IQCE: variants seen among roughly 807,000 people sequenced by gnomAD.
IQCE encodes IQ motif containing E.
Under a neutral mutation model 96.0 loss-of-function variants are expected in IQCE, and 115 were observed. The observed-to-expected ratio is 1.20, with a 90% CI of 1.03 to 1.40. The LOEUF is 1.40. IQCE is among the 40% of genes most tolerant of loss of function. The pLI is 0.00. For synonymous variants in IQCE, 412 were observed against 371.2 expected (o/e 1.11, Z -1.26); for missense variants, 1,041 against 909.1 (o/e 1.15, Z -1.87).
rs1246730849 is a variant in IQCE, at chr7:2,563,907, A to AT, written c.37-3209_37-3208insT. On this transcript the variant is annotated intron_variant, in intron 1 of 21. Coordinates refer to ENST00000402050, the MANE Select transcript of IQCE (RefSeq NM_152558.5). The stretch of plus-strand genomic sequence containing the variant: ...AGACTCCATCTCAAAAAAAAAAAAA[A>AT]AAAAAAAAATTTCACTCATCAGCCG... Among the ~76,000 whole-genome samples, 14 of 150,742 alleles carry AT rather than the reference A, an allele frequency of 9.3e-5. No homozygotes were observed. The East Asian group carries it at 2.2e-3, about 23-fold the overall frequency.
chr7:2,590,759 C>T (rs999858388), intron 14 of IQCE, among the ~76,000 whole-genome samples: 5 of 152,118 alleles, frequency 3.3e-5, no homozygotes, highest in African/African-American at 1.2e-4. Context: ...AGTGAGACCT[C>T]AACTCAAAAG....
chr7:2,588,452 C>G (rs1367889802), intron 13 of IQCE, among the ~76,000 whole-genome samples: 2 of 149,844 alleles, frequency 1.3e-5, no homozygotes, highest in African/African-American at 4.9e-5. Context: ...CTCCCGAGTT[C>G]AAGTGATTCT....
intron 18 of IQCE, among the ~76,000 whole-genome samples, chr7:2,604,089 A>G (rs1242347864): frequency 6.6e-6 from 1 of 151,770 alleles, no homozygotes; most frequent in African/African-American, 2.4e-5. Flanking sequence ...CCCAGGTTCA[A>G]ACGATTCTCA....
rs1400321475 is a variant in IQCE, at chr7:2,611,190, G to A, written c.*1028G>A. On this transcript the variant is annotated 3_prime_UTR_variant, in exon 22 of 22. Transcript: ENST00000402050. Reference sequence around the variant, plus strand: ...GCCAGCAGCTGCAGAGGCCTAGGAGGGAGTTCCTGGGGGAAGCGCACAGTG... The same window carrying A: ...GCCAGCAGCTGCAGAGGCCTAGGAGAGAGTTCCTGGGGGAAGCGCACAGTG... The A allele has an allele frequency of 6.6e-6, 1 of 151,912 alleles. No individual in the cohort carries two copies. The highest frequency in any genetic ancestry group is 1.5e-5 in the Non-Finnish European group (1 of 68,506). 9.4% of individuals were successfully genotyped at this position (151,912 alleles called of 1,614,324 possible). A position where few individuals can be genotyped will look rare whatever the true frequency, so the allele number is the denominator to read the frequency against.
chr7:2,602,276 G>C (rs1205275500), intron 18 of IQCE, among the ~76,000 whole-genome samples: 1 of 152,236 alleles, frequency 6.6e-6, no homozygotes, highest in Non-Finnish European at 1.5e-5. Flanking sequence ...AACTGGAATG[G>C]AGGTTGAGTA....
chr7:2,608,938 A>G (rs1784992741), intron 21 of IQCE, among the ~76,000 whole-genome samples: 1 of 152,232 alleles, frequency 6.6e-6, no homozygotes, highest in East Asian at 1.9e-4. Context: ...TGCAGGAAAA[A>G]AAAGCTGACA....
At position 2,610,353 on chromosome 7, in the gene IQCE, G is replaced by A. The variant is rs1208300400; in HGVS notation, c.*191G>A. 5.6e-6 allele frequency: 3 copies of A among 538,706 alleles called. No homozygotes were observed. The highest frequency in any genetic ancestry group is 3.8e-5 in the African/African-American group (2 of 52,138). The allele number at this position is 538,706 out of a possible 1,614,324, so 33.4% of individuals were successfully genotyped here. A position where few individuals can be genotyped will look rare whatever the true frequency, so the allele number is the denominator to read the frequency against. ...ATGCCTTTACTTTATTCTCTGGGGA[G>A]GGCCAGCGGCTCGCATCCCCCTCAT... On this transcript the variant is annotated 3_prime_UTR_variant, in exon 22 of 22. Coordinates refer to ENST00000402050, the MANE Select transcript of IQCE (RefSeq NM_152558.5).
At position 2,586,242 on chromosome 7, in the gene IQCE, CAGA is replaced by C; in HGVS notation, c.866_868del (p.Lys289del). On this transcript the variant is annotated inframe_deletion, in exon 12 of 22. Transcript: ENST00000402050. ...GGAGAAGAAGACGGGCGCCAAAAGG[CAGA>C]AGAAGATGGGCAGTGCCCTCCTGAG... The C allele has an allele frequency of 1.9e-6, 3 of 1,613,932 alleles. No homozygotes were observed. Among genetic ancestry groups the C allele is most frequent in the South Asian group, 1.1e-5 (1 of 91,072 alleles).
chr7:2,578,399 C>T (rs1004351297), intron 7 of IQCE, 44 bp downstream of exon 7: 8 of 1,610,174 alleles, frequency 5.0e-6, no homozygotes, highest in South Asian at 3.3e-5. Context: ...GGAGGGTCCT[C>T]GGGGCAGCAT....
intron 17 of IQCE, among the ~76,000 whole-genome samples, chr7:2,599,982 CAG>C (rs1784326832): frequency 6.6e-6 from 1 of 152,056 alleles, no homozygotes; most frequent in African/African-American, 2.4e-5. Flanking sequence ...TTATTAGAGA[CAG>C]GGTTTCACCA....
intron 19 of IQCE, among the ~76,000 whole-genome samples, chr7:2,605,636 GTAAATAAATAAATAAA>G (rs10527603): frequency 7.4e-5 from 11 of 148,832 alleles, no homozygotes; most frequent in Non-Finnish European, 1.5e-4. Flanking sequence ...AAATAAATAA[GTAAATAAATAAATAAA>G]TAAATAAATA....
At chr7:2,571,323 T>C in intron 3 of IQCE, 1 of 596,928 alleles carries the variant, frequency 1.7e-6, no homozygotes, top group Non-Finnish European at 2.9e-6. Context: ...CTGGCCTCAT[T>C]ATGCTATTTC....
At chr7:2,603,559 C>T (rs1190894329) in intron 18 of IQCE, among the ~76,000 whole-genome samples, 1 of 152,126 alleles carries the variant, frequency 6.6e-6, no homozygotes, top group Non-Finnish European at 1.5e-5. Flanking sequence ...CTGTGGTGAG[C>T]GTGGGGTTTG....
In IQCE at chr7:2,614,172, G is replaced by C. The variant is rs1785209616; in HGVS notation, c.*4010G>C. The C allele has an allele frequency of 6.6e-6, 1 of 152,138 alleles. No individual in the cohort carries two copies. The highest frequency in any genetic ancestry group is 1.5e-5 in the Non-Finnish European group (1 of 68,040). The allele number at this position is 152,138 out of a possible 1,614,324, so 9.4% of individuals were successfully genotyped here. A position where few individuals can be genotyped will look rare whatever the true frequency, so the allele number is the denominator to read the frequency against. On this transcript the variant is annotated 3_prime_UTR_variant, in exon 22 of 22. Transcript: ENST00000402050. ...GGAAAAGATAGCCCAACCTAGCTCA[G>C]ATCCACCAAGATAAGCACAGCAAAG... is the stretch of plus-strand genomic sequence containing the variant.
chr7:2,587,945 AGG>A (rs1433413048), intron 13 of IQCE, 68 bp downstream of exon 13: 2 of 483,668 alleles, frequency 4.1e-6, no homozygotes, highest in Non-Finnish European at 6.7e-6. Context: ...ACGGGCTCAC[AGG>A]GTGCGGAAGG....
intron 11 of IQCE, among the ~76,000 whole-genome samples, chr7:2,585,838 T>C (rs1783058124): frequency 1.3e-5 from 2 of 152,164 alleles, no homozygotes; most frequent in African/African-American, 4.8e-5. Context: ...ATAATGAGGA[T>C]CGACTGTACT....
Position 2,592,925 on chromosome 7 carries a change from G to A in IQCE, c.1245-97G>A, listed in dbSNP as rs1783719936. The A allele has an allele frequency of 5.9e-6, 8 of 1,350,866 alleles. No homozygotes were observed. The South Asian group carries it at 1.2e-4, about 20-fold the overall frequency. The allele number at this position is 1,350,866 out of a possible 1,614,324, so 83.7% of individuals were successfully genotyped here. On this transcript the variant is annotated intron_variant, in intron 14 of 21. Coordinates refer to ENST00000402050, the MANE Select transcript of IQCE (RefSeq NM_152558.5). ...CTGCCCCACCATCCACTGTCCTAAG[G>A]AAGGGCTGAGCACTGTCATTTTCTG...
chr7:2,599,952 CA>C (rs1216807201), intron 17 of IQCE, among the ~76,000 whole-genome samples: 2 of 152,118 alleles, frequency 1.3e-5, no homozygotes, highest in Non-Finnish European at 2.9e-5. Flanking sequence ...CACCACCATG[CA>C]CAGCTAATTT....
At chr7:2,580,861 G>T (rs536082101) in intron 8 of IQCE, among the ~76,000 whole-genome samples, 1 of 152,182 alleles carries the variant, frequency 6.6e-6, no homozygotes, top group African/African-American at 2.4e-5. Flanking sequence ...AGCGGAAACA[G>T]GATTTGGTTG....
Sources: allele counts gnomAD v4.1 joint callset (sites outside exome capture counted in the v4.1 genomes callset), GRCh38; gene constraint gnomAD v4.1.1; transcripts MANE v1.5; gene names NCBI Gene and HGNC (gene_info 2026-07-23, HGNC 2026-07-21).